The following DGKB variants were observed in gnomAD, a reference collection of about 807,000 sequenced individuals.
DGKB encodes 90 kDa diacylglycerol kinase.
DGKB carries 67 observed loss-of-function variants against 114.3 expected under a neutral mutation model. That is an observed-to-expected ratio of 0.59 (90% CI 0.48 to 0.72). The LOEUF is 0.72. Ranked by LOEUF, DGKB falls within the 30% of genes least tolerant of loss-of-function variation. The pLI, the probability that DGKB is intolerant of heterozygous loss-of-function variation, is 0.00. For missense variants in DGKB, 907 were observed against 975.2 expected (o/e 0.93, Z 0.93); for synonymous variants, 398 against 323.1 (o/e 1.23, Z -2.49).
chr7:14,767,838 C>T (rs576159879), intron 2 of DGKB, among the ~76,000 whole-genome samples: 7 of 151,988 alleles, frequency 4.6e-5, no homozygotes, highest in African/African-American at 1.7e-4. Context: ...CAGAAGATGA[C>T]AACTTCATTT....
chr7:14,704,447 CAAAAA>C (rs774905779), intron 6 of DGKB, among the ~76,000 whole-genome samples: 3 of 53,462 alleles, frequency 5.6e-5, no homozygotes, highest in African/African-American at 1.6e-4. Flanking sequence ...GACTCCATCT[CAAAAA>C]AAAAAAAAAA....
intron 6 of DGKB, among the ~76,000 whole-genome samples, chr7:14,709,462 C>T (rs570947255): frequency 0.052 from 6,191 of 118,242 alleles, 580 homozygotes; most frequent in African/African-American, 0.18. Flanking sequence ...CATCCCATTA[C>T]TGGGTATATA....
intron 2 of DGKB, among the ~76,000 whole-genome samples, chr7:14,826,942 C>T (rs1482608554): frequency 6.6e-6 from 1 of 152,070 alleles, no homozygotes; most frequent in African/African-American, 2.4e-5. Flanking sequence ...CTAAAATAGC[C>T]TAGTGAGCCA....
chr7:14,842,000 T>C lies in DGKB; in HGVS notation c.-187-550A>G, dbSNP rs889702790. 2.6e-5 allele frequency among the ~76,000 whole-genome samples: 4 copies of C among 152,226 alleles called. No individual in the cohort carries two copies. The East Asian group carries it at 5.8e-4, about 22-fold the overall frequency. On this transcript the variant is annotated intron_variant, in intron 1 of 25. Transcript: ENST00000402815. Reference sequence around the variant, plus strand: ...TGTGTAATGACAGTAGATGATTCTATTGTGAATCACGCTTTAAAATAAATC... The same window carrying C: ...TGTGTAATGACAGTAGATGATTCTACTGTGAATCACGCTTTAAAATAAATC...
chr7:14,654,950 C>T (rs912575045), intron 13 of DGKB, among the ~76,000 whole-genome samples: 1 of 151,802 alleles, frequency 6.6e-6, no homozygotes, highest in African/African-American at 2.4e-5. Context: ...AGGGGGATTT[C>T]TTTGGGACTC....
chr7:14,660,595 T>C (rs1816842162), intron 13 of DGKB, among the ~76,000 whole-genome samples: 1 of 152,068 alleles, frequency 6.6e-6, no homozygotes, highest in African/African-American at 2.4e-5. Flanking sequence ...TGCGTCTATT[T>C]GATTCTTCTC....
chr7:14,643,450 C>A (rs933023815), intron 13 of DGKB, among the ~76,000 whole-genome samples: 1 of 152,154 alleles, frequency 6.6e-6, no homozygotes, highest in Admixed American at 6.5e-5. Context: ...CACCAGAATA[C>A]ATTCTGACTT....
At chr7:14,940,329 C>A (rs73681803) in intron 1 of DGKB, among the ~76,000 whole-genome samples, 1 of 148,180 alleles carries the variant, frequency 6.7e-6, no homozygotes, top group African/African-American at 2.5e-5. Flanking sequence ...CAGATACCTC[C>A]AGAGTCTTCA....
intron 23 of DGKB, among the ~76,000 whole-genome samples, chr7:14,259,626 A>G (rs1562767909): frequency 1.3e-5 from 2 of 151,938 alleles, no homozygotes; most frequent in African/African-American, 4.8e-5. Context: ...GGGTTTTGCC[A>G]TGTTGGCCAG....
At chr7:14,935,680 T>G (rs774702626) in intron 1 of DGKB, among the ~76,000 whole-genome samples, 1 of 152,072 alleles carries the variant, frequency 6.6e-6, no homozygotes, top group East Asian at 1.9e-4. Context: ...ACGAATTACA[T>G]TGTGGATACC....
intron 25 of DGKB, among the ~76,000 whole-genome samples, chr7:14,167,700 T>C (rs1038283547): frequency 1.3e-5 from 2 of 151,778 alleles, no homozygotes; most frequent in African/African-American, 4.9e-5. Flanking sequence ...ACAAGTAAGA[T>C]ACATCTGAAT....
At chr7:14,178,196 T>G in intron 23 of DGKB, 45 bp from the exon 24 acceptor site, 4 of 1,593,120 alleles carry the variant, frequency 2.5e-6, no homozygotes, top group Admixed American at 3.5e-5. Context: ...TGTATACATA[T>G]GTCCACAATT....
intron 1 of DGKB, among the ~76,000 whole-genome samples, chr7:14,891,465 C>T (rs374105185): frequency 2.8e-4 from 42 of 151,380 alleles, no homozygotes; most frequent in East Asian, 3.9e-4. Flanking sequence ...GCAAGTAAAG[C>T]GGAAAAGCAG....
chr7:14,702,497 G>C (rs1445350788), intron 6 of DGKB, among the ~76,000 whole-genome samples: 1 of 152,098 alleles, frequency 6.6e-6, no homozygotes, highest in Non-Finnish European at 1.5e-5. Context: ...GTCTCTGTTA[G>C]GGGGTTCAGG....
chr7:14,932,770 A>C (rs1449111402), intron 1 of DGKB, among the ~76,000 whole-genome samples: 2 of 152,186 alleles, frequency 1.3e-5, no homozygotes, highest in African/African-American at 4.8e-5. Context: ...CATAAGGGTC[A>C]CCAGAAACTA....
intron 1 of DGKB, among the ~76,000 whole-genome samples, chr7:14,966,643 C>G (rs1787167314): frequency 6.6e-6 from 1 of 152,036 alleles, no homozygotes; most frequent in Non-Finnish European, 1.5e-5. Context: ...ACTGCCTGAG[C>G]TTGTGCTGCT....
intron 21 of DGKB, among the ~76,000 whole-genome samples, chr7:14,460,569 T>C (rs138566757): frequency 6.6e-6 from 1 of 151,840 alleles, no homozygotes; most frequent in Non-Finnish European, 1.5e-5. Flanking sequence ...CCTAAATATA[T>C]ATGCATCCAA....
At chr7:14,624,677 C>T (rs1361368652) in intron 14 of DGKB, among the ~76,000 whole-genome samples, 2 of 152,078 alleles carry the variant, frequency 1.3e-5, no homozygotes, top group African/African-American at 2.4e-5. Context: ...GGAGACTAAA[C>T]AATTGCTTTA....
chr7:14,662,661 A>G (rs1817360031), intron 13 of DGKB, among the ~76,000 whole-genome samples: 1 of 152,012 alleles, frequency 6.6e-6, no homozygotes, highest in African/African-American at 2.4e-5. Flanking sequence ...GTCCCATAGT[A>G]TATGGAAATA....
Sources: gnomAD v4.1 joint callset for allele counts (sites outside exome capture counted in the v4.1 genomes callset) on GRCh38, gnomAD v4.1.1 for gene constraint, MANE v1.5 for transcripts, NCBI Gene and HGNC (gene_info 2026-07-23, HGNC 2026-07-21) for gene names.